The following KHDRBS2 variants were observed in gnomAD, a reference collection of about 807,000 sequenced individuals.
The protein encoded by KHDRBS2 is KH domain-containing, RNA-binding, signal transduction-associated protein 2.
A neutral mutation model predicts 44.3 loss-of-function variants in KHDRBS2; 26 were observed. That is an observed-to-expected ratio of 0.59 (90% confidence interval 0.43 to 0.81). KHDRBS2 has a LOEUF of 0.81. Among genes scored for constraint, KHDRBS2 ranks in the 40% least tolerant of loss-of-function variants. The probability of loss-of-function intolerance (pLI) is 0.00; values close to 1 mark genes in which losing one functional copy is unlikely to be tolerated. For missense variants in KHDRBS2, 476 were observed against 433.1 expected (o/e 1.10, Z -0.88); for synonymous variants, 194 against 151.1 (o/e 1.28, Z -2.08).
intron 7 of KHDRBS2, among the ~76,000 whole-genome samples, chr6:61,721,112 G>T (rs1272462593): frequency 1.3e-5 from 2 of 151,746 alleles, no homozygotes; most frequent in Non-Finnish European, 2.9e-5. Context: ...TATTTCTGAG[G>T]GCTCTGTTCT....
the KHDRBS2 span, among the ~76,000 whole-genome samples, chr6:61,558,002 T>C: frequency 3.9e-5 from 6 of 152,174 alleles, no homozygotes; most frequent in Non-Finnish European, 8.8e-5. Flanking sequence ...ATTTCTGATC[T>C]TATATGTTTG....
the KHDRBS2 span, among the ~76,000 whole-genome samples, chr6:61,669,856 C>T: frequency 1.2e-4 from 18 of 150,908 alleles, no homozygotes; most frequent in Non-Finnish European, 2.4e-4. Flanking sequence ...TAATCATCCC[C>T]GCATACACAA....
At chr6:62,140,081 T>C (rs958229188) in intron 2 of KHDRBS2, among the ~76,000 whole-genome samples, 37 of 152,228 alleles carry the variant, frequency 2.4e-4, no homozygotes, top group African/African-American at 8.9e-4. Flanking sequence ...CCAGGAAATC[T>C]TTTCCTTCAC....
chr6:61,812,230 CT>C (rs1279516982), intron 6 of KHDRBS2, among the ~76,000 whole-genome samples: 1 of 151,868 alleles, frequency 6.6e-6, no homozygotes, highest in Non-Finnish European at 1.5e-5. Flanking sequence ...TTTCAGCACT[CT>C]TTAAAATAAC....
chr6:61,565,354 A>G, the KHDRBS2 span, among the ~76,000 whole-genome samples: 1 of 152,120 alleles, frequency 6.6e-6, no homozygotes, highest in Non-Finnish European at 1.5e-5. Context: ...CACAACAAAG[A>G]AAACAATCAA....
intron 3 of KHDRBS2, among the ~76,000 whole-genome samples, chr6:62,035,587 A>T (rs1351254175): frequency 6.6e-6 from 1 of 152,074 alleles, no homozygotes; most frequent in Admixed American, 6.6e-5. Flanking sequence ...TGATAGCACA[A>T]CAGGGTGAAT....
At chr6:62,283,524 A>G (rs896815543) in intron 1 of KHDRBS2, among the ~76,000 whole-genome samples, 3 of 152,136 alleles carry the variant, frequency 2.0e-5, no homozygotes, top group African/African-American at 7.2e-5. Flanking sequence ...CAGGCTTGAC[A>G]CTGTCTGCAC....
intron 3 of KHDRBS2, among the ~76,000 whole-genome samples, chr6:62,018,587 C>T (rs1170275039): frequency 3.3e-5 from 5 of 152,032 alleles, no homozygotes; most frequent in African/African-American, 4.8e-5. Flanking sequence ...CCTCGTGATC[C>T]GCGCGCCTTG....
At chr6:61,574,357 A>G in the KHDRBS2 span, 2 of 1,527,314 alleles carry the variant, frequency 1.3e-6, no homozygotes, top group South Asian at 1.2e-5. Flanking sequence ...GCTGTCTCTT[A>G]CTTTCAACCA....
intron 7 of KHDRBS2, among the ~76,000 whole-genome samples, chr6:61,723,033 T>C (rs1399979513): frequency 6.6e-6 from 1 of 152,086 alleles, no homozygotes; most frequent in Non-Finnish European, 1.5e-5. Context: ...CAGGCTGCCA[T>C]CTTTGATGTT....
At chr6:61,553,182 G>A in the KHDRBS2 span, among the ~76,000 whole-genome samples, 1 of 152,010 alleles carries the variant, frequency 6.6e-6, no homozygotes, top group East Asian at 1.9e-4. Context: ...TTCAAATTTT[G>A]AACTTATGAT....
intron 2 of KHDRBS2, among the ~76,000 whole-genome samples, chr6:62,122,460 C>T (rs887148005): frequency 3.3e-5 from 5 of 152,168 alleles, no homozygotes; most frequent in African/African-American, 9.7e-5. Flanking sequence ...AGCAGCATTC[C>T]ATTCCGTCAT....
chr6:62,250,473 A>C (rs1351165554), intron 1 of KHDRBS2, among the ~76,000 whole-genome samples: 1 of 152,030 alleles, frequency 6.6e-6, no homozygotes, highest in Non-Finnish European at 1.5e-5. Context: ...CAGATATAGA[A>C]AATTAGAGCT....
intron 2 of KHDRBS2, among the ~76,000 whole-genome samples, chr6:62,166,733 C>A (rs1204813493): frequency 2.0e-5 from 3 of 151,996 alleles, no homozygotes; most frequent in African/African-American, 7.2e-5. Context: ...AATGGAAATC[C>A]ATTCCATTGA....
chr6:61,967,674 CACAG>C (rs1770346821), intron 4 of KHDRBS2, among the ~76,000 whole-genome samples: 1 of 151,692 alleles, frequency 6.6e-6, no homozygotes, highest in Non-Finnish European at 1.5e-5. Flanking sequence ...TGAATAAGCA[CACAG>C]AGAGAGGTGG....
intron 1 of KHDRBS2, among the ~76,000 whole-genome samples, chr6:62,270,340 AC>A (rs1356948652): frequency 2.3e-5 from 1 of 43,110 alleles, no homozygotes; most frequent in African/African-American, 8.5e-5. Flanking sequence ...CCCCCCGCCC[AC>A]CTTTCTCTCT....
chr6:61,901,454 A>C, intron 4 of KHDRBS2, 83 bp from the exon 5 acceptor site: 1 of 392,330 alleles, frequency 2.5e-6, no homozygotes, highest in Non-Finnish European at 3.8e-6. Context: ...AAACAAAACA[A>C]AACGCAATAG....
At chr6:61,717,168 CTATT>C (rs751247396) in intron 7 of KHDRBS2, among the ~76,000 whole-genome samples, 15 of 152,024 alleles carry the variant, frequency 9.9e-5, no homozygotes, top group South Asian at 4.2e-4. Flanking sequence ...TACAGATTGA[CTATT>C]TAAACTACTT....
At chr6:62,176,198 T>C (rs1270033292) in intron 2 of KHDRBS2, among the ~76,000 whole-genome samples, 1 of 151,430 alleles carries the variant, frequency 6.6e-6, no homozygotes, top group Non-Finnish European at 1.5e-5. Flanking sequence ...ATAAAGCAAA[T>C]CTAATAAAGT....
Sources: allele counts gnomAD v4.1 joint callset (sites outside exome capture counted in the v4.1 genomes callset), GRCh38; gene constraint gnomAD v4.1.1; transcripts MANE v1.5; gene names NCBI Gene and HGNC (gene_info 2026-07-23, HGNC 2026-07-21).